RNF150: variants seen among roughly 807,000 people sequenced by gnomAD.
The protein encoded by RNF150 is ring finger protein 150.
Under a neutral mutation model 39.3 loss-of-function variants are expected in RNF150, and 24 were observed. The ratio of observed to expected loss-of-function variants is 0.61; its 90% CI spans 0.44 to 0.86. The LOEUF (loss-of-function observed/expected upper bound fraction) is 0.86. RNF150 is among the 40% of genes least tolerant of loss of function. RNF150 has a pLI of 0.00. For missense variants in RNF150, 502 were observed against 587.8 expected (o/e 0.85, Z 1.51); for synonymous variants, 255 against 227.3 (o/e 1.12, Z -1.10).
chr4:140,981,209 T>G (rs568150682), intron 1 of RNF150, among the ~76,000 whole-genome samples: 1 of 152,160 alleles, frequency 6.6e-6, no homozygotes, highest in African/African-American at 2.4e-5. Context: ...AGTATCCTTA[T>G]TTGACATGAT....
chr4:141,061,346 C>T (rs186932677), intron 1 of RNF150, among the ~76,000 whole-genome samples: 1 of 152,040 alleles, frequency 6.6e-6, no homozygotes, highest in Non-Finnish European at 1.5e-5. Context: ...TATTTGTTCA[C>T]ACATTGGAGA....
At chr4:140,875,159 T>A (rs1374217278) in intron 6 of RNF150, among the ~76,000 whole-genome samples, 1 of 149,076 alleles carries the variant, frequency 6.7e-6, no homozygotes, top group Non-Finnish European at 1.5e-5. Context: ...TTGACAATCA[T>A]TACGTTTTTT....
At chr4:140,971,200 G>A (rs569285344) in intron 1 of RNF150, among the ~76,000 whole-genome samples, 132 of 152,162 alleles carry the variant, frequency 8.7e-4, no homozygotes, top group African/African-American at 3.1e-3. Context: ...GTTTCAGGGA[G>A]AAGCCAGCAG....
chr4:141,195,830 C>G (rs1728193180), intron 1 of RNF150, among the ~76,000 whole-genome samples: 1 of 152,090 alleles, frequency 6.6e-6, no homozygotes, highest in Admixed American at 6.6e-5. Context: ...AAACATGCAT[C>G]ACGATTCTAG....
intron 1 of RNF150, among the ~76,000 whole-genome samples, chr4:141,097,731 C>T (rs1738851396): frequency 6.6e-6 from 1 of 151,838 alleles, no homozygotes; most frequent in Non-Finnish European, 1.5e-5. Flanking sequence ...CATTTATATT[C>T]CTTTTTGTAA....
Position 141,132,638 on chromosome 4 carries a change from G to C in RNF150, c.171C>G (p.Ala57=). 6.3e-7 allele frequency: 1 copy of C among 1,585,618 alleles called. No homozygotes were observed. The change falls in exon 1 of 7, where the codon GCC becomes GCG. Residue 57 remains alanine, a synonymous_variant. Transcript: ENST00000515673. This position sits in a 1 kb window ranked among gnomAD's most constrained non-coding sequence, Gnocchi z 4.9. ...CCGCGCCGCCGCCGCCCGCCGCCCC[G>C]GCCCCGGGGTCCGGCGCGGGCTCGG... ...TYAEPAPDPG[A]GAAGGGGAEL...
chr4:141,099,931 G>C (rs1738947920), intron 1 of RNF150, among the ~76,000 whole-genome samples: 1 of 152,124 alleles, frequency 6.6e-6, no homozygotes, highest in African/African-American at 2.4e-5. Flanking sequence ...TTTTAGTAGG[G>C]TATTTGGTTT....
At chr4:140,980,213 T>G (rs1369565224) in intron 1 of RNF150, among the ~76,000 whole-genome samples, 1 of 151,976 alleles carries the variant, frequency 6.6e-6, no homozygotes, top group Non-Finnish European at 1.5e-5. Flanking sequence ...CAGCTAATTT[T>G]TGTATTTTTA....
rs1728768181 is a variant in RNF150 at position 140,867,745 on chromosome 4, T to A, written c.*516A>T. 1 of 152,590 alleles carries A rather than the reference T, an allele frequency of 6.6e-6. No homozygotes were observed. The highest frequency in any genetic ancestry group is 2.4e-5 in the African/African-American group (1 of 41,432). 9.5% of individuals were successfully genotyped at this position (152,590 alleles called of 1,614,324 possible). ...TTCATGCTGGGAGGTCAAGACCACATATCTCAGAGATGGAATACAAACTGA... is the reference window on the plus strand; with the variant it reads ...TTCATGCTGGGAGGTCAAGACCACAAATCTCAGAGATGGAATACAAACTGA... On this transcript the variant is annotated 3_prime_UTR_variant, in exon 7 of 7. Coordinates refer to ENST00000515673, the MANE Select transcript of RNF150 (RefSeq NM_020724.2).
intron 4 of RNF150, among the ~76,000 whole-genome samples, chr4:140,946,807 A>T (rs1732332889): frequency 1.3e-5 from 2 of 152,144 alleles, no homozygotes; most frequent in African/African-American, 4.8e-5. Context: ...TGCCTGGCTG[A>T]AGTATCTAAG....
At chr4:140,911,375 C>T in intron 5 of RNF150, 21 bp from the exon 6 acceptor site, 1 of 1,605,572 alleles carries the variant, frequency 6.2e-7, no homozygotes, top group Non-Finnish European at 8.5e-7. Context: ...AGAAAAAGAT[C>T]TGTTCTCAGT....
At chr4:140,886,208 A>AG (rs1729571480) in intron 6 of RNF150, among the ~76,000 whole-genome samples, 3 of 151,858 alleles carry the variant, frequency 2.0e-5, no homozygotes, top group African/African-American at 7.2e-5. Context: ...AAAAAAAAAA[A>AG]AAAGAAAAGT....
At chr4:141,069,269 AG>A (rs1336762424) in intron 1 of RNF150, among the ~76,000 whole-genome samples, 3 of 119,134 alleles carry the variant, frequency 2.5e-5, no homozygotes, top group South Asian at 3.3e-4. Context: ...TTTAGCATGA[AG>A]GGTTGTTGAA....
intron 1 of RNF150, among the ~76,000 whole-genome samples, chr4:141,040,170 C>CACAA (rs2110855116): frequency 1.3e-5 from 2 of 151,694 alleles, no homozygotes; most frequent in Admixed American, 1.3e-4. Flanking sequence ...AACACAACCA[C>CACAA]ACACACACAC....
intron 1 of RNF150, among the ~76,000 whole-genome samples, chr4:140,972,853 T>G (rs137868741): frequency 4.8e-4 from 73 of 152,248 alleles, no homozygotes; most frequent in Middle Eastern, 3.4e-3. Flanking sequence ...TAAGTATCAT[T>G]AAGAAATATT....
At chr4:140,962,065 T>TC (rs142561257) in intron 2 of RNF150, among the ~76,000 whole-genome samples, 9 of 149,062 alleles carry the variant, frequency 6.0e-5, no homozygotes, top group East Asian at 4.0e-4. Flanking sequence ...TCTCTCTCTC[T>TC]TCTCTCTCTC....
chr4:140,988,629 C>T (rs1165902018), intron 1 of RNF150, among the ~76,000 whole-genome samples: 2 of 151,138 alleles, frequency 1.3e-5, no homozygotes, highest in Non-Finnish European at 3.0e-5. Flanking sequence ...CTAATGCTAT[C>T]CCTCCCCCTT....
At chr4:141,146,422 A>G (rs1727201892) in intron 1 of RNF150, among the ~76,000 whole-genome samples, 1 of 152,212 alleles carries the variant, frequency 6.6e-6, no homozygotes, top group Admixed American at 6.5e-5. Context: ...CTTTAATTGC[A>G]TTCTTTGGGA....
chr4:141,015,293 A>C (rs1735228733), intron 1 of RNF150, among the ~76,000 whole-genome samples: 3 of 152,168 alleles, frequency 2.0e-5, no homozygotes, highest in Admixed American at 2.0e-4. Context: ...TGTTTTGGCT[A>C]TTTGGTATCT....
Sources: gnomAD v4.1 joint callset for allele counts (sites outside exome capture counted in the v4.1 genomes callset) on GRCh38, gnomAD v4.1.1 for gene constraint, Gnocchi (gnomAD v3.1) non-coding constraint, MANE v1.5 for transcripts, NCBI Gene and HGNC (gene_info 2026-07-23, HGNC 2026-07-21) for gene names.